NELL2: variants seen among roughly 807,000 people sequenced by gnomAD.
NELL2 encodes protein kinase C-binding protein NELL2.
Under a neutral mutation model 109.6 loss-of-function variants are expected in NELL2, and 41 were observed. The observed-to-expected ratio is 0.37, with a 90% CI of 0.29 to 0.49. The LOEUF is 0.49. NELL2 is among the 20% of genes least tolerant of loss of function. The pLI, the probability that NELL2 is intolerant of heterozygous loss-of-function variation, is 0.98. For synonymous variants in NELL2, 355 were observed against 344.7 expected (o/e 1.03, Z -0.33); for missense variants, 900 against 1,008.3 (o/e 0.89, Z 1.45).
At chr12:44,583,425 T>C (rs990108647) in intron 15 of NELL2, among the ~76,000 whole-genome samples, 7 of 152,212 alleles carry the variant, frequency 4.6e-5, no homozygotes, top group Admixed American at 1.3e-4. Context: ...GTAAAACTTA[T>C]GAGAGCAGAG....
intron 16 of NELL2, among the ~76,000 whole-genome samples, chr12:44,532,023 T>A (rs1395197860): frequency 6.6e-6 from 1 of 152,200 alleles, no homozygotes; most frequent in African/African-American, 2.4e-5. Context: ...TTGAATATAA[T>A]CTGATTGAAT....
intron 15 of NELL2, among the ~76,000 whole-genome samples, chr12:44,580,486 G>A (rs561866893): frequency 6.0e-4 from 92 of 152,276 alleles, no homozygotes; most frequent in African/African-American, 2.2e-3. Context: ...GGAGGCCGAG[G>A]TGGGCAGATT....
At chr12:44,825,584 C>T (rs535613136) in intron 2 of NELL2, among the ~76,000 whole-genome samples, 4 of 149,544 alleles carry the variant, frequency 2.7e-5, no homozygotes, top group East Asian at 4.0e-4. Context: ...TTAGTAGAGA[C>T]GAGTTTTCAC....
intron 2 of NELL2, among the ~76,000 whole-genome samples, chr12:44,818,610 G>C (rs550049381): frequency 6.6e-6 from 1 of 152,060 alleles, no homozygotes; most frequent in Non-Finnish European, 1.5e-5. Context: ...AAGATTCTTA[G>C]GCTGTTTTGT....
chr12:44,611,351 T>C (rs993546879), intron 13 of NELL2, among the ~76,000 whole-genome samples: 39 of 152,026 alleles, frequency 2.6e-4, no homozygotes, highest in Admixed American at 2.5e-3. Context: ...ATGTGAACGA[T>C]GTGAAATTGT....
At chr12:44,866,885 G>A (rs908261533) in intron 2 of NELL2, among the ~76,000 whole-genome samples, 1 of 151,940 alleles carries the variant, frequency 6.6e-6, no homozygotes, top group Non-Finnish European at 1.5e-5. Flanking sequence ...AAGTTTAAGT[G>A]TATATGTCTA....
intron 15 of NELL2, among the ~76,000 whole-genome samples, chr12:44,544,097 G>T (rs1302882000): frequency 2.0e-5 from 3 of 151,676 alleles, no homozygotes; most frequent in African/African-American, 7.3e-5. Context: ...TCATAGGGAG[G>T]AATAAAAAAA....
chr12:44,553,293 A>T (rs891556056), intron 15 of NELL2, among the ~76,000 whole-genome samples: 2 of 151,490 alleles, frequency 1.3e-5, no homozygotes, highest in East Asian at 3.9e-4. Flanking sequence ...AAAGAAAAAA[A>T]AAAAAATAAG....
At chr12:44,718,311 C>T (rs1225097518) in intron 9 of NELL2, among the ~76,000 whole-genome samples, 2 of 152,134 alleles carry the variant, frequency 1.3e-5, no homozygotes, top group East Asian at 3.9e-4. Context: ...GCTACAGGAC[C>T]GTCCCTGGAA....
intron 3 of NELL2, among the ~76,000 whole-genome samples, chr12:44,811,339 A>T: frequency 6.7e-6 from 1 of 149,406 alleles, no homozygotes; most frequent in African/African-American, 2.4e-5. Context: ...ACTAAAAGTA[A>T]AAAAAAAAAA....
upstream of NELL2, among the ~76,000 whole-genome samples, chr12:44,877,273 C>A (rs1945354441): frequency 6.6e-6 from 1 of 152,208 alleles, no homozygotes; most frequent in Admixed American, 6.5e-5. Context: ...CTGCCCTTCA[C>A]CACATATGTC....
intron 15 of NELL2, among the ~76,000 whole-genome samples, chr12:44,557,843 A>C (rs73096371): frequency 5.9e-5 from 9 of 152,358 alleles, no homozygotes; most frequent in Non-Finnish European, 1.3e-4. Flanking sequence ...CAAAGGAAGA[A>C]GAGATCCAAG....
chr12:44,900,072 C>T (rs2703047), intron 1 of NELL2, among the ~76,000 whole-genome samples: 44,964 of 151,996 alleles, frequency 0.3, 7,010 homozygotes, highest in East Asian at 0.44. Context: ...CTATCCTAAA[C>T]ATATATGCAC....
rs949844792 is a variant in NELL2 at position 44,715,171 on chromosome 12, T to A, written c.995-430A>T. ...ATTACAGAATTTTAAAATAGAACATTATAATAGAAAGAAGGTATATTCATT... is the reference window on the plus strand; with the variant it reads ...ATTACAGAATTTTAAAATAGAACATAATAATAGAAAGAAGGTATATTCATT... On this transcript the variant is annotated intron_variant, in intron 9 of 19. Coordinates refer to ENST00000429094, the MANE Select transcript of NELL2 (RefSeq NM_001145108.2). Among the ~76,000 whole-genome samples, 21 of 151,450 alleles carry A rather than the reference T, an allele frequency of 1.4e-4. No individual in the cohort carries two copies. The East Asian group carries it at 3.9e-3, about 28-fold the overall frequency.
In NELL2 at chr12:44,607,198, T is replaced by C; in HGVS notation, c.1634A>G (p.Gln545Arg). The C allele has an allele frequency of 1.9e-6, 3 of 1,612,746 alleles. No individual in the cohort carries two copies. The highest frequency in any genetic ancestry group is 1.7e-5 in the Admixed American group (1 of 59,840). Residue 545 changes from glutamine (Q) to arginine (R), a missense_variant, in exon 15 of 20, where the codon CAA becomes CGA. This residue lies in a region of NELL2 where 333 missense variants were observed against 432.3 expected (regional missense o/e 0.77). Transcript: ENST00000429094. ...CIAANVCACP[Q>R]GFTGPSCETD... ...TTCACAGCTGGGTCCAGTGAAGCCTTGTGGGCAGGCACACACATTAGCGGC... is the reference window on the plus strand; with the variant it reads ...TTCACAGCTGGGTCCAGTGAAGCCTCGTGGGCAGGCACACACATTAGCGGC...
At chr12:44,664,098 C>G (rs1947841778) in intron 13 of NELL2, among the ~76,000 whole-genome samples, 1 of 151,986 alleles carries the variant, frequency 6.6e-6, no homozygotes, top group Non-Finnish European at 1.5e-5. Context: ...TTGGTATTAT[C>G]AATAGTATAG....
intron 13 of NELL2, among the ~76,000 whole-genome samples, chr12:44,614,045 T>C (rs1319367997): frequency 6.6e-6 from 1 of 152,060 alleles, no homozygotes; most frequent in Non-Finnish European, 1.5e-5. Context: ...CAGGATGTAA[T>C]AGTGAATAAA....
intron 3 of NELL2, among the ~76,000 whole-genome samples, chr12:44,814,776 T>C (rs149300748): frequency 0.011 from 1,713 of 152,314 alleles, 11 homozygotes; most frequent in Admixed American, 0.02. Flanking sequence ...TAAGTCAGCC[T>C]TGCTATATTT....
chr12:44,640,475 A>AT, intron 13 of NELL2, among the ~76,000 whole-genome samples: 1 of 152,154 alleles, frequency 6.6e-6, no homozygotes, highest in Non-Finnish European at 1.5e-5. Context: ...TAAGTAATTT[A>AT]TTTTTCTCTA....
Sources: gnomAD v4.1 joint callset for allele counts (sites outside exome capture counted in the v4.1 genomes callset) on GRCh38, gnomAD v4.1.1 for gene constraint, gnomAD v4.1.1 regional missense constraint, MANE v1.5 for transcripts, NCBI Gene and HGNC (gene_info 2026-07-23, HGNC 2026-07-21) for gene names.